The following MAGI2 variants were observed in gnomAD, a reference collection of about 807,000 sequenced individuals.
MAGI2 encodes membrane associated guanylate kinase, WW and PDZ domain containing 2.
Under a neutral mutation model 133.3 loss-of-function variants are expected in MAGI2, and 35 were observed. The ratio of observed to expected loss-of-function variants is 0.26; its 90% CI spans 0.20 to 0.35. The LOEUF is 0.35. Ranked by LOEUF, MAGI2 falls within the 10% of genes least tolerant of loss-of-function variation. The probability of loss-of-function intolerance (pLI) is 1.00; values close to 1 mark genes in which losing one functional copy is unlikely to be tolerated. For missense variants in MAGI2, 1,636 were observed against 1,863.4 expected (o/e 0.88, Z 2.25); for synonymous variants, 729 against 710.6 (o/e 1.03, Z -0.41).
chr7:79,091,379 A>C (rs1286627490), intron 1 of MAGI2, among the ~76,000 whole-genome samples: 3 of 152,114 alleles, frequency 2.0e-5, no homozygotes, highest in Non-Finnish European at 2.9e-5. Context: ...AATTCATCTA[A>C]AACAGAATTT....
chr7:79,349,093 A>G (rs1284118110), intron 1 of MAGI2, among the ~76,000 whole-genome samples: 2 of 152,000 alleles, frequency 1.3e-5, no homozygotes, highest in Non-Finnish European at 2.9e-5. Flanking sequence ...AAAAGAGGCT[A>G]TCTTTAAGGT....
chr7:79,231,108 T>C lies in MAGI2; in HGVS notation c.301+221912A>G, dbSNP rs904037944. On this transcript the variant is annotated intron_variant, in intron 1 of 21. Coordinates refer to ENST00000354212, the MANE Select transcript of MAGI2 (RefSeq NM_012301.4). ...GTCAAAGATCAGATAGTTGTAGATA[T>C]GCGGCGTTATTTCTGAGGGCTCTGT... Among the ~76,000 whole-genome samples, 13 of 132,388 alleles carry C rather than the reference T, an allele frequency of 9.8e-5. No homozygotes were observed. The East Asian group carries it at 1.7e-3, about 18-fold the overall frequency. The allele number at this position is 132,388 out of a possible 152,430, so 86.9% of individuals were successfully genotyped here. A position where few individuals can be genotyped will look rare whatever the true frequency, so the allele number is the denominator to read the frequency against.
chr7:78,573,284 T>TTATATAAATATATATATATATAAA (rs1801846565), intron 3 of MAGI2, among the ~76,000 whole-genome samples: 1 of 26,874 alleles, frequency 3.7e-5, no homozygotes, highest in Non-Finnish European at 5.8e-5. Flanking sequence ...ATATATATAT[T>TTATATAAATATATATATATATAAA]TATATAAATA....
At chr7:79,043,210 G>GA (rs1281246811) in intron 1 of MAGI2, among the ~76,000 whole-genome samples, 4 of 151,830 alleles carry the variant, frequency 2.6e-5, no homozygotes, top group Non-Finnish European at 4.4e-5. Context: ...AAAGCAAGCA[G>GA]AAAAAAAGAA....
chr7:78,255,810 T>C (rs117208670), intron 10 of MAGI2, 133 bp downstream of exon 10: 16,508 of 924,606 alleles, frequency 0.018, 301 homozygotes, highest in Middle Eastern at 0.04. Flanking sequence ...TGTTTTTCTC[T>C]CTCACTCTTT....
chr7:79,098,928 A>G (rs937109604), intron 1 of MAGI2, among the ~76,000 whole-genome samples: 4 of 150,266 alleles, frequency 2.7e-5, no homozygotes, highest in African/African-American at 1.0e-4. Flanking sequence ...TCTAATAACC[A>G]TTTGTTTATA....
At chr7:78,101,328 A>G (rs1347792694) in intron 20 of MAGI2, among the ~76,000 whole-genome samples, 1 of 152,206 alleles carries the variant, frequency 6.6e-6, no homozygotes, top group African/African-American at 2.4e-5. Context: ...AACTAAAACA[A>G]TGTTACTGAA....
At chr7:78,839,289 T>C (rs1184291026) in intron 2 of MAGI2, among the ~76,000 whole-genome samples, 5 of 152,106 alleles carry the variant, frequency 3.3e-5, no homozygotes, top group Admixed American at 1.3e-4. Flanking sequence ...ATTTCTAACA[T>C]GGACTTAGTG....
chr7:79,356,796 C>G (rs1033697478), intron 1 of MAGI2, among the ~76,000 whole-genome samples: 1 of 152,130 alleles, frequency 6.6e-6, no homozygotes, highest in Non-Finnish European at 1.5e-5. Flanking sequence ...GAATATAGGA[C>G]TAAATACTAG....
chr7:78,067,787 T>C (rs1484020832), intron 21 of MAGI2, among the ~76,000 whole-genome samples: 1 of 151,960 alleles, frequency 6.6e-6, no homozygotes, highest in Non-Finnish European at 1.5e-5. Flanking sequence ...ATATTGGGAG[T>C]TCTTATCAGA....
chr7:79,246,020 C>G (rs1200044030), intron 1 of MAGI2, among the ~76,000 whole-genome samples: 2 of 152,162 alleles, frequency 1.3e-5, no homozygotes, highest in African/African-American at 4.8e-5. Flanking sequence ...TTATCCAAGA[C>G]CACCAGGGCA....
At position 79,040,217 on chromosome 7, in the gene MAGI2, C is replaced by T. The variant is rs962996680; in HGVS notation, c.302-33011G>A. Among the ~76,000 whole-genome samples the T allele has an allele frequency of 1.7e-4, 26 of 151,982 alleles. 1 individual carries two copies. The highest frequency in any genetic ancestry group is 3.5e-4 in the Non-Finnish European group (24 of 68,006). On this transcript the variant is annotated intron_variant, in intron 1 of 21. Transcript: ENST00000354212. Reference sequence around the variant, plus strand: ...GGGGCCCTTCCTCCTTCACTCGGCACTTCTCACTCCTGCCACCTTGTGAAG... The same window carrying T: ...GGGGCCCTTCCTCCTTCACTCGGCATTTCTCACTCCTGCCACCTTGTGAAG...
chr7:78,192,002 G>A (rs1489458957), intron 12 of MAGI2, among the ~76,000 whole-genome samples: 12 of 152,128 alleles, frequency 7.9e-5, no homozygotes, highest in African/African-American at 4.8e-5. Flanking sequence ...CAGAACAAAC[G>A]TTCTGTAGCT....
At chr7:79,277,590 T>A (rs778428011) in intron 1 of MAGI2, among the ~76,000 whole-genome samples, 5 of 152,126 alleles carry the variant, frequency 3.3e-5, no homozygotes, top group Non-Finnish European at 7.3e-5. Flanking sequence ...AGAATTTAAC[T>A]GAAAATACTA....
chr7:79,257,157 T>G (rs1198252688), intron 1 of MAGI2, among the ~76,000 whole-genome samples: 1 of 152,154 alleles, frequency 6.6e-6, no homozygotes, highest in East Asian at 1.9e-4. Context: ...GTTTTATCTA[T>G]CAGTTATAAT....
intron 1 of MAGI2, among the ~76,000 whole-genome samples, chr7:79,256,322 A>G (rs1474972935): frequency 1.3e-5 from 2 of 152,204 alleles, no homozygotes; most frequent in South Asian, 4.1e-4. Flanking sequence ...ACCAGACTAC[A>G]TGCAGCATGG....
At chr7:78,679,996 C>T (rs1240081514) in intron 2 of MAGI2, among the ~76,000 whole-genome samples, 1 of 152,078 alleles carries the variant, frequency 6.6e-6, no homozygotes, top group Non-Finnish European at 1.5e-5. Flanking sequence ...AAAGCAAAAT[C>T]AAAATCAAAA....
In MAGI2 at chr7:78,368,973, T is replaced by C. The variant is rs563421613; in HGVS notation, c.1103+183A>G. ...GAATCGTTGAGTCAAAGGAAAGGAA[T>C]GACAAATTAGCCAGCTGGAGAGGAA... On this transcript the variant is annotated intron_variant, in intron 7 of 21. Coordinates refer to ENST00000354212, the MANE Select transcript of MAGI2 (RefSeq NM_012301.4). Among the ~76,000 whole-genome samples the C allele has an allele frequency of 1.4e-4, 22 of 152,190 alleles. No individual in the cohort carries two copies. The South Asian group carries it at 4.6e-3, about 32-fold the overall frequency.
At chr7:78,729,331 T>C (rs542680291) in intron 2 of MAGI2, among the ~76,000 whole-genome samples, 152 of 152,070 alleles carry the variant, frequency 1.0e-3, no homozygotes, top group Non-Finnish European at 1.8e-3. Context: ...CTTCAAAGGG[T>C]TAGACTGGTT....
Sources: allele counts gnomAD v4.1 joint callset (sites outside exome capture counted in the v4.1 genomes callset), GRCh38; gene constraint gnomAD v4.1.1; transcripts MANE v1.5; gene names NCBI Gene and HGNC (gene_info 2026-07-23, HGNC 2026-07-21).